The following EPHA6 variants were observed in gnomAD, a reference collection of about 807,000 sequenced individuals.
The protein encoded by EPHA6 is EPH receptor A6.
A neutral mutation model predicts 112.0 loss-of-function variants in EPHA6; 50 were observed. That is an observed-to-expected ratio of 0.45 (90% CI 0.36 to 0.56). EPHA6 has a LOEUF of 0.56. Among genes scored for constraint, EPHA6 ranks in the 20% least tolerant of loss-of-function variants. The pLI, the probability that EPHA6 is intolerant of heterozygous loss-of-function variation, is 0.00. For synonymous variants in EPHA6, 529 were observed against 490.7 expected, an observed-to-expected ratio of 1.08 and a Z score of -1.03; for missense variants, 1,280 against 1,417.4, an observed-to-expected ratio of 0.90 and a Z score of 1.56.
At chr3:97,420,845 A>G (rs1375613697) in intron 6 of EPHA6, among the ~76,000 whole-genome samples, 1 of 135,892 alleles carries the variant, frequency 7.4e-6, no homozygotes, top group Admixed American at 6.9e-5. Context: ...AGACAAACAG[A>G]CAAAAAAAAA....
At chr3:97,456,226 C>G (rs1452390827) in intron 7 of EPHA6, among the ~76,000 whole-genome samples, 1 of 152,036 alleles carries the variant, frequency 6.6e-6, no homozygotes, top group East Asian at 1.9e-4. Flanking sequence ...TTTACAAGAT[C>G]AGGGAACATT....
chr3:97,423,457 A>T (rs2088845392), intron 6 of EPHA6, among the ~76,000 whole-genome samples: 1 of 152,202 alleles, frequency 6.6e-6, no homozygotes, highest in Non-Finnish European at 1.5e-5. Flanking sequence ...GAGGTGAAAG[A>T]TCTCTACAAT....
At chr3:97,636,700 T>G (rs2093948302) in intron 13 of EPHA6, among the ~76,000 whole-genome samples, 1 of 152,156 alleles carries the variant, frequency 6.6e-6, no homozygotes, top group Admixed American at 6.6e-5. Flanking sequence ...TAAGATCATC[T>G]CTGTCCTGAA....
At chr3:97,079,626 A>G (rs771717968) in intron 3 of EPHA6, among the ~76,000 whole-genome samples, 10 of 150,368 alleles carry the variant, frequency 6.7e-5, no homozygotes, top group Non-Finnish European at 1.2e-4. Context: ...AAAAAAAAGC[A>G]ACCACAGGGT....
At chr3:97,411,486 T>A (rs1250302951) in intron 6 of EPHA6, among the ~76,000 whole-genome samples, 1 of 152,096 alleles carries the variant, frequency 6.6e-6, no homozygotes, top group East Asian at 1.9e-4. Context: ...TTATTCTATC[T>A]TTGGTTTGGT....
At chr3:97,106,980 G>T (rs774558791) in intron 3 of EPHA6, among the ~76,000 whole-genome samples, 6 of 152,058 alleles carry the variant, frequency 3.9e-5, no homozygotes, top group Non-Finnish European at 5.9e-5. Context: ...TGATGGTGGG[G>T]TTACCAAAGA....
At chr3:97,481,049 A>T (rs1395093775) in intron 9 of EPHA6, 3 of 404,840 alleles carry the variant, frequency 7.4e-6, no homozygotes, top group Non-Finnish European at 1.4e-5. Flanking sequence ...CCAGGCAGAG[A>T]GGCTCCTCAC....
At chr3:97,610,771 G>A in intron 12 of EPHA6, 22 bp from the exon 13 acceptor site, 1 of 1,601,136 alleles carries the variant, frequency 6.2e-7, no homozygotes, top group African/African-American at 1.3e-5. Flanking sequence ...TAATCCATGT[G>A]TATTCTCTTG....
At chr3:97,012,625 A>G (rs866291090) in intron 3 of EPHA6, among the ~76,000 whole-genome samples, 3 of 131,452 alleles carry the variant, frequency 2.3e-5, no homozygotes, top group Admixed American at 7.8e-5. Flanking sequence ...ATATATATGT[A>G]TTTTTTTTTT....
intron 16 of EPHA6, 34 bp from the exon 17 acceptor site, chr3:97,747,389 T>G: frequency 6.8e-7 from 1 of 1,460,680 alleles, no homozygotes; most frequent in East Asian, 2.7e-5. Context: ...TTTTAAATGC[T>G]CTCCATGTTT....
intron 3 of EPHA6, among the ~76,000 whole-genome samples, chr3:97,086,879 TATTGA>T (rs2046918443): frequency 1.3e-5 from 2 of 152,162 alleles, no homozygotes; most frequent in Non-Finnish European, 2.9e-5. Flanking sequence ...TTTTTCCCAT[TATTGA>T]ATTGCATATT....
chr3:96,872,770 C>T (rs2036706282), intron 2 of EPHA6, among the ~76,000 whole-genome samples: 1 of 150,656 alleles, frequency 6.6e-6, no homozygotes, highest in Non-Finnish European at 1.5e-5. Context: ...TTTATATTTG[C>T]TTTTTTTTTA....
chr3:97,032,847 G>T (rs560009235), intron 3 of EPHA6, among the ~76,000 whole-genome samples: 41 of 151,996 alleles, frequency 2.7e-4, no homozygotes, highest in Non-Finnish European at 4.7e-4. Flanking sequence ...CGGCTGAATC[G>T]CAATATAAGA....
chr3:96,876,213 T>C (rs2036939318), intron 2 of EPHA6, among the ~76,000 whole-genome samples: 1 of 151,190 alleles, frequency 6.6e-6, no homozygotes, highest in South Asian at 2.1e-4. Flanking sequence ...CAAGTGATCC[T>C]CCATGAGCCA....
chr3:97,727,715 A>C (rs2107819064), intron 15 of EPHA6, among the ~76,000 whole-genome samples: 1 of 152,206 alleles, frequency 6.6e-6, no homozygotes, highest in South Asian at 2.1e-4. Flanking sequence ...CTACCAAAGG[A>C]ATTTTCAAAA....
intron 5 of EPHA6, among the ~76,000 whole-genome samples, chr3:97,245,166 G>A (rs1050708524): frequency 6.6e-6 from 1 of 151,996 alleles, no homozygotes; most frequent in African/African-American, 2.4e-5. Context: ...AATAAGACAG[G>A]CTGTGTGGCT....
intron 3 of EPHA6, among the ~76,000 whole-genome samples, chr3:96,998,297 A>G (rs1346541184): frequency 1.3e-5 from 2 of 151,934 alleles, no homozygotes; most frequent in Admixed American, 6.6e-5. Context: ...CCTTTTAAAC[A>G]AGTGAAATTA....
intron 5 of EPHA6, among the ~76,000 whole-genome samples, chr3:97,305,636 A>G (rs2081286071): frequency 6.6e-6 from 1 of 152,006 alleles, no homozygotes; most frequent in African/African-American, 2.4e-5. Flanking sequence ...CAAACACTAC[A>G]TGTTCTCCCT....
chr3:97,614,774 A>G (rs1212278378), intron 13 of EPHA6, among the ~76,000 whole-genome samples: 12 of 152,190 alleles, frequency 7.9e-5, no homozygotes, highest in Admixed American at 5.2e-4. Context: ...TAAGGAAATC[A>G]GCTCAAAATA....
Sources: allele counts gnomAD v4.1 joint callset (sites outside exome capture counted in the v4.1 genomes callset), GRCh38; gene constraint gnomAD v4.1.1; transcripts MANE v1.5; gene names NCBI Gene and HGNC (gene_info 2026-07-23, HGNC 2026-07-21).